The following ABCB11 variants were observed in gnomAD, a reference collection of about 807,000 sequenced individuals.
The protein encoded by ABCB11 is bile salt export pump.
Under a neutral mutation model 148.0 loss-of-function variants are expected in ABCB11, and 95 were observed. The observed-to-expected ratio is 0.64, with a 90% confidence interval of 0.54 to 0.76. ABCB11 has a LOEUF of 0.76. Ranked by LOEUF, ABCB11 falls within the 30% of genes least tolerant of loss-of-function variation. The pLI is 0.00. For synonymous variants in ABCB11, 591 were observed against 555.4 expected (o/e 1.06, Z -0.90); for missense variants, 1,523 against 1,617.8 (o/e 0.94, Z 1.01).
intron 4 of ABCB11, among the ~76,000 whole-genome samples, chr2:169,013,934 A>G (rs181308678): frequency 1.1e-3 from 165 of 152,326 alleles, no homozygotes; most frequent in African/African-American, 3.8e-3. Flanking sequence ...ATTTCTGCCT[A>G]GAAATGCCTC....
chr2:168,966,751 GACA>G (rs1237674642), intron 17 of ABCB11, among the ~76,000 whole-genome samples: 17 of 151,770 alleles, frequency 1.1e-4, no homozygotes, highest in African/African-American at 4.1e-4. Flanking sequence ...ATCTTTTAAC[GACA>G]ACAAGAAAAA....
At chr2:168,952,409 A>AT (rs566546112) in intron 19 of ABCB11, among the ~76,000 whole-genome samples, 52 of 151,126 alleles carry the variant, frequency 3.4e-4, no homozygotes, top group African/African-American at 1.2e-3. Context: ...CTTGCTACTC[A>AT]TTATTAGTCT....
intron 5 of ABCB11, among the ~76,000 whole-genome samples, chr2:169,010,924 T>TTCA (rs1259815781): frequency 6.6e-6 from 1 of 152,310 alleles, no homozygotes; most frequent in Non-Finnish European, 1.5e-5. Flanking sequence ...CAAATGTCCA[T>TTCA]TCACATTTGG....
chr2:168,920,700 T>C (rs949436040), downstream of ABCB11, among the ~76,000 whole-genome samples: 1 of 152,158 alleles, frequency 6.6e-6, no homozygotes, highest in Non-Finnish European at 1.5e-5. Flanking sequence ...TGAGAAACAA[T>C]AAGGTAAAAT....
intron 15 of ABCB11, 138 bp from the exon 16 acceptor site, chr2:168,969,689 G>C: frequency 1.3e-6 from 1 of 796,420 alleles, no homozygotes. Flanking sequence ...GCAGACATTA[G>C]AAAAGGCCAG....
intron 10 of ABCB11, among the ~76,000 whole-genome samples, chr2:168,984,679 CT>C (rs1694254521): frequency 1.3e-5 from 2 of 152,032 alleles, no homozygotes; most frequent in South Asian, 4.1e-4. Context: ...GGCATATTTT[CT>C]TTTTGGACTC....
intron 1 of ABCB11, among the ~76,000 whole-genome samples, chr2:169,018,998 A>C (rs755794671): frequency 1.3e-5 from 2 of 151,666 alleles, no homozygotes; most frequent in African/African-American, 4.9e-5. Context: ...AGCTGGCGAG[A>C]GGACTGTAAG....
chr2:168,918,094 G>A (rs753002796), downstream of ABCB11, among the ~76,000 whole-genome samples: 4 of 151,950 alleles, frequency 2.6e-5, no homozygotes, highest in Non-Finnish European at 4.4e-5. Context: ...TCACATTAGT[G>A]GCCCATATTA....
intron 10 of ABCB11, among the ~76,000 whole-genome samples, chr2:168,984,810 T>A (rs1474815847): frequency 6.6e-6 from 1 of 152,148 alleles, no homozygotes; most frequent in East Asian, 1.9e-4. Context: ...TAAGTATTAT[T>A]TGTTTCTCTA....
chr2:168,952,690 TG>T (rs35552243), intron 19 of ABCB11, among the ~76,000 whole-genome samples: 58,310 of 131,758 alleles, frequency 0.44, 12,452 homozygotes, highest in South Asian at 0.59. Context: ...TTTTTTTTTT[TG>T]TTTGTTTCTA....
intron 2 of ABCB11, among the ~76,000 whole-genome samples, chr2:169,017,254 A>G (rs1232058546): frequency 6.6e-6 from 1 of 152,170 alleles, no homozygotes; most frequent in Non-Finnish European, 1.5e-5. Flanking sequence ...AGATGTCATT[A>G]ACACTTCTAC....
rs1442589532 is a variant in ABCB11, at chr2:168,943,063, G to T, written c.2610+1542C>A. On this transcript the variant is annotated intron_variant, in intron 21 of 27. Coordinates refer to ENST00000650372, the MANE Select transcript of ABCB11 (RefSeq NM_003742.4). ...ACAACAAAAGTATTAGAAAAATTCT[G>T]AGAAAATCCTCTTTTTAAAAAGATA... Among the ~76,000 whole-genome samples the T allele has an allele frequency of 2.0e-5, 3 of 151,890 alleles. No homozygotes were observed. In the South Asian group the frequency reaches 6.2e-4, roughly 32 times the overall value.
chr2:169,029,521 A>C (rs1177626900), intron 1 of ABCB11, among the ~76,000 whole-genome samples: 1 of 152,070 alleles, frequency 6.6e-6, no homozygotes, highest in African/African-American at 2.4e-5. Context: ...GAATAGACTA[A>C]AATGAGGCCC....
At chr2:168,998,218 G>T (rs1368192957) in intron 5 of ABCB11, among the ~76,000 whole-genome samples, 1 of 151,938 alleles carries the variant, frequency 6.6e-6, no homozygotes, top group Non-Finnish European at 1.5e-5. Context: ...GCTTGTTTTG[G>T]GGTGTCCCAA....
At chr2:168,960,666 G>T (rs963141744) in intron 18 of ABCB11, among the ~76,000 whole-genome samples, 3 of 151,270 alleles carry the variant, frequency 2.0e-5, no homozygotes, top group African/African-American at 7.3e-5. Context: ...TGACCCCCCC[G>T]AAAAAATGCA....
chr2:169,014,230 T>G, intron 4 of ABCB11, 73 bp downstream of exon 4: 6 of 1,419,546 alleles, frequency 4.2e-6, no homozygotes, highest in South Asian at 1.2e-5. Flanking sequence ...GACTAAAGAT[T>G]TAACACTCCC....
chr2:168,977,152 G>T (rs1254178771), intron 11 of ABCB11, among the ~76,000 whole-genome samples: 1 of 147,916 alleles, frequency 6.8e-6, no homozygotes, highest in Non-Finnish European at 1.5e-5. Flanking sequence ...TATAACATAT[G>T]TTAACAATAT....
chr2:168,981,828 G>C (rs947698910), intron 10 of ABCB11, among the ~76,000 whole-genome samples: 1 of 152,152 alleles, frequency 6.6e-6, no homozygotes, highest in East Asian at 1.9e-4. Flanking sequence ...AGCAGCCATA[G>C]ACATATGTAA....
At chr2:168,941,601 T>G (rs1298499630) in intron 21 of ABCB11, among the ~76,000 whole-genome samples, 4 of 152,054 alleles carry the variant, frequency 2.6e-5, no homozygotes, top group Admixed American at 2.6e-4. Flanking sequence ...CCACTCCTGG[T>G]GAAAATGCTA....
Sources: allele counts gnomAD v4.1 joint callset (sites outside exome capture counted in the v4.1 genomes callset), GRCh38; gene constraint gnomAD v4.1.1; transcripts MANE v1.5; gene names NCBI Gene and HGNC (gene_info 2026-07-23, HGNC 2026-07-21).